Variants in STRN observed in about 807,000 individuals in gnomAD.
STRN encodes protein phosphatase 2 regulatory subunit B'''alpha.
In STRN, 53 loss-of-function variants were observed where a neutral mutation model predicts 96.3. The ratio of observed to expected loss-of-function variants is 0.55; its 90% CI spans 0.44 to 0.69. The LOEUF is 0.69. Ranked by LOEUF, STRN falls within the 30% of genes least tolerant of loss-of-function variation. The pLI is 0.00. For missense variants in STRN, 987 were observed against 963.9 expected (o/e 1.02, Z -0.32); for synonymous variants, 428 against 355.9 (o/e 1.20, Z -2.28).
Position 36,953,815 on chromosome 2 carries a change from T to C in STRN, c.234+12415A>G, listed in dbSNP as rs529611068. Among the ~76,000 whole-genome samples the C allele has an allele frequency of 1.1e-4, 17 of 152,310 alleles. No homozygotes were observed. In the South Asian group the frequency reaches 2.9e-3, roughly 26 times the overall value. ...GTTAACATATTATTCTGTTCTAACA[T>C]AGCATATGTAAAACAGCCTAAAAAT... On this transcript the variant is annotated intron_variant, in intron 1 of 17. Transcript: ENST00000263918.
intron 1 of STRN, among the ~76,000 whole-genome samples, chr2:36,964,754 T>G (rs1665117987): frequency 6.6e-6 from 1 of 152,202 alleles, no homozygotes; most frequent in Admixed American, 6.5e-5. Flanking sequence ...CTGACTTATT[T>G]CTTCCTCACA....
chr2:36,938,481 C>T (rs1477099617), intron 1 of STRN, among the ~76,000 whole-genome samples: 2 of 151,634 alleles, frequency 1.3e-5, no homozygotes, highest in Admixed American at 1.3e-4. Flanking sequence ...CGTAAGGAAA[C>T]CTTTTCAAGG....
chr2:36,966,366 G>C lies in STRN; in HGVS notation c.98C>G (p.Ala33Gly). 1.4e-6 allele frequency: 2 copies of C among 1,467,038 alleles called. No homozygotes were observed. The highest frequency in any genetic ancestry group is 1.8e-6 in the Non-Finnish European group (2 of 1,111,324). The allele number at this position is 1,467,038 out of a possible 1,614,324, so 90.9% of individuals were successfully genotyped here. ...CCCCGCCGCAGCCGCCCCGTCGCCG[G>C]CCGCGGCAGCCTCCGCCAGAGGCCC... ...GLGPLAEAAA[A>G]GDGAAAAGAA... Residue 33 changes from alanine to glycine, a missense_variant, in exon 1 of 18, where the codon GCC (alanine) becomes GGC (glycine). By Grantham distance (60) the Ala-to-Gly change is moderately conservative. Transcript: ENST00000263918.
intron 4 of STRN, among the ~76,000 whole-genome samples, chr2:36,903,714 T>G (rs1225742995): frequency 6.6e-6 from 1 of 152,208 alleles, no homozygotes; most frequent in Non-Finnish European, 1.5e-5. Flanking sequence ...ATCTCAGAAA[T>G]ATATGTGATC....
chr2:36,847,163 T>C lies in STRN; in HGVS notation c.*2293A>G, dbSNP rs1291115312. 6.6e-6 allele frequency: 1 copy of C among 152,154 alleles called. No individual in the cohort carries two copies. The highest frequency in any genetic ancestry group is 1.5e-5 in the Non-Finnish European group (1 of 68,016). 9.4% of individuals were successfully genotyped at this position (152,154 alleles called of 1,614,324 possible). ...GGCTTTCTAAGGAACTTTCAACAGTTCCATTTGCGCTACAGTCTATGTATC... is the reference window on the plus strand; with the variant it reads ...GGCTTTCTAAGGAACTTTCAACAGTCCCATTTGCGCTACAGTCTATGTATC... On this transcript the variant is annotated 3_prime_UTR_variant, in exon 18 of 18. Coordinates refer to ENST00000263918, the MANE Select transcript of STRN (RefSeq NM_003162.4).
At chr2:36,940,401 C>A (rs1391665122) in intron 1 of STRN, among the ~76,000 whole-genome samples, 2 of 152,088 alleles carry the variant, frequency 1.3e-5, no homozygotes, top group Non-Finnish European at 2.9e-5. Context: ...CGGAAAACTG[C>A]AGAGTCTAAT....
At chr2:36,955,498 T>C (rs935343990) in intron 1 of STRN, among the ~76,000 whole-genome samples, 1 of 152,336 alleles carries the variant, frequency 6.6e-6, no homozygotes, top group African/African-American at 2.4e-5. Flanking sequence ...GACATCTTTG[T>C]AGAGTTAAGA....
At chr2:36,886,959 T>A in intron 7 of STRN, 133 bp from the exon 8 acceptor site, 1 of 590,362 alleles carries the variant, frequency 1.7e-6, no homozygotes, top group South Asian at 2.8e-5. Flanking sequence ...TTTATTCATT[T>A]TATATATATA....
At chr2:36,867,923 T>C (rs1011931203) in intron 11 of STRN, 62 bp from the exon 12 acceptor site, 3 of 1,307,974 alleles carry the variant, frequency 2.3e-6, no homozygotes, top group South Asian at 1.4e-5. Flanking sequence ...ATTAAACATA[T>C]GTCATAAAAT....
chr2:36,851,176 TTATC>T (rs1381830317), intron 15 of STRN, 69 bp from the exon 16 acceptor site: 7 of 1,382,556 alleles, frequency 5.1e-6, no homozygotes, highest in East Asian at 4.7e-5. Flanking sequence ...GAGAACTGAA[TTATC>T]TATCTAAGAG....
intron 1 of STRN, among the ~76,000 whole-genome samples, chr2:36,945,281 T>C (rs947991892): frequency 1.7e-4 from 26 of 152,200 alleles, no homozygotes; most frequent in African/African-American, 5.1e-4. Flanking sequence ...AGAGGGACCA[T>C]GTGCAGACCA....
rs1667897924 is a variant in STRN, at chr2:36,839,558, T to C, written c.*9898A>G. Among the ~76,000 whole-genome samples the C allele has an allele frequency of 6.6e-6, 1 of 152,226 alleles. No individual in the cohort carries two copies. Among genetic ancestry groups the C allele is most frequent in the South Asian group, 2.1e-4 (1 of 4,828 alleles). On this transcript the variant is annotated 3_prime_UTR_variant, in exon 18 of 18. Transcript: ENST00000263918. The stretch of plus-strand genomic sequence containing the variant: ...TATTTTATTAGGTGTTTTACATCCG[T>C]TATCTCAAATCAACCTAATTAGGCA...
intron 8 of STRN, among the ~76,000 whole-genome samples, chr2:36,886,325 G>C (rs564530568): frequency 1.3e-5 from 2 of 152,194 alleles, no homozygotes; most frequent in East Asian, 3.9e-4. Flanking sequence ...AAAATTATAA[G>C]CAATAATTTT....
rs1265832773 is a variant in STRN at position 36,855,214 on chromosome 2, G to T, written c.1976C>A (p.Thr659Lys). Residue 659 changes from threonine (T) to lysine (K), a missense_variant and splice_region_variant, in exon 15 of 18, where the codon ACA becomes AAA. Transcript: ENST00000263918. Reference sequence around the variant, plus strand: ...CAATTTAAAATTGGTATGCATACTTGTATCTACATTGGATTCTAAAGTGAG... The same window carrying T: ...CAATTTAAAATTGGTATGCATACTTTTATCTACATTGGATTCTAAAGTGAG... ...RILTLESNVD[T>K]TANSSCQINR... 1 of 1,613,072 alleles carries T rather than the reference G, an allele frequency of 6.2e-7. No individual in the cohort carries two copies. The highest frequency in any genetic ancestry group is 8.5e-7 in the Non-Finnish European group (1 of 1,179,568).
In STRN at chr2:36,912,236, G is replaced by A. The variant is rs149505975; in HGVS notation, c.412+3842C>T. On this transcript the variant is annotated intron_variant, in intron 3 of 17. Transcript: ENST00000263918. ...TACTCCTCTAAGACACACATCACAC[G>A]TGTGCGTGAGAGTGTGCGCGCGCGC... is the stretch of plus-strand genomic sequence containing the variant. 5.9e-3 allele frequency among the ~76,000 whole-genome samples: 895 copies of A among 152,184 alleles called. 10 individuals are homozygous for A. Among genetic ancestry groups the A allele is most frequent in the African/African-American group, 0.019 (782 of 41,520 alleles).
intron 1 of STRN, among the ~76,000 whole-genome samples, chr2:36,930,623 A>G (rs1253256339): frequency 2.2e-4 from 34 of 152,098 alleles, no homozygotes. Flanking sequence ...ATCTGGGACC[A>G]ACCTTGGAGA....
chr2:36,913,701 T>C (rs975398154), intron 3 of STRN, among the ~76,000 whole-genome samples: 8 of 152,170 alleles, frequency 5.3e-5, no homozygotes, highest in African/African-American at 1.9e-4. Context: ...ATATATATCA[T>C]ATTTATAAGA....
chr2:36,950,213 G>GTTTTTT lies in STRN; in HGVS notation c.234+16011_234+16016dup, dbSNP rs745506504. 2.8e-3 allele frequency among the ~76,000 whole-genome samples: 306 copies of GTTTTTT among 108,940 alleles called. 1 individual carries two copies. The highest frequency in any genetic ancestry group is 3.5e-3 in the Non-Finnish European group (195 of 55,136). The allele number at this position is 108,940 out of a possible 152,430, so 71.5% of individuals were successfully genotyped here. A position where few individuals can be genotyped will look rare whatever the true frequency, so the allele number is the denominator to read the frequency against. On this transcript the variant is annotated intron_variant, in intron 1 of 17. Transcript: ENST00000263918. ...GTTACTGGTTGGTTGGTTTGGTTTTGTTTTTTTTTTTTTTTTTTTTGAGAC... is the reference window on the plus strand; with the variant it reads ...GTTACTGGTTGGTTGGTTTGGTTTTGTTTTTTTTTTTTTTTTTTTTTTTTTTGAGAC...
intron 2 of STRN, 118 bp from the exon 3 acceptor site, chr2:36,916,269 G>T: frequency 2.4e-6 from 2 of 816,680 alleles, no homozygotes; most frequent in South Asian, 1.7e-5. Flanking sequence ...ACTTTCAAAG[G>T]CTCATAGCTT....
Sources: allele counts gnomAD v4.1 joint callset (sites outside exome capture counted in the v4.1 genomes callset), GRCh38; gene constraint gnomAD v4.1.1; transcripts MANE v1.5; gene names NCBI Gene and HGNC (gene_info 2026-07-23, HGNC 2026-07-21).